Variants in ANKRD36C observed in about 807,000 individuals in gnomAD.
ANKRD36C encodes ankyrin repeat domain 36C.
ANKRD36C carries 61 observed loss-of-function variants against 276.4 expected under a neutral mutation model. The ratio of observed to expected loss-of-function variants is 0.22; its 90% CI spans 0.18 to 0.27. The LOEUF is 0.27. Ranked by LOEUF, ANKRD36C falls within the 10% of genes least tolerant of loss-of-function variation. ANKRD36C has a pLI of 1.00. For missense variants in ANKRD36C, 1,447 were observed against 2,032.3 expected, an observed-to-expected ratio of 0.71 and a Z score of 5.54; for synonymous variants, 483 against 680.1, an observed-to-expected ratio of 0.71 and a Z score of 4.51.
intron 38 of ANKRD36C, 109 bp downstream of exon 40, chr2:95,915,871 C>T: frequency 1.4e-6 from 2 of 1,390,004 alleles, no homozygotes; most frequent in Non-Finnish European, 2.0e-6. Flanking sequence ...GAATCTCAGG[C>T]CTGTTGAATC....
At chr2:95,959,567 T>A (rs539957169) in intron 10 of ANKRD36C, among the ~76,000 whole-genome samples, 9 of 152,220 alleles carry the variant, frequency 5.9e-5, no homozygotes, top group East Asian at 5.8e-4. Flanking sequence ...CATTTGGAAA[T>A]TGCTCTCATA....
intron 41 of ANKRD36C, 23 bp downstream of exon 43, chr2:95,912,384 A>G (rs1478063303): frequency 2.5e-6 from 4 of 1,603,746 alleles, no homozygotes; most frequent in Non-Finnish European, 3.4e-6. Flanking sequence ...ACTAGCTCAC[A>G]ATATGAATGA....
At chr2:95,971,428 C>T (rs1381970871) in intron 6 of ANKRD36C, among the ~76,000 whole-genome samples, 2 of 151,342 alleles carry the variant, frequency 1.3e-5, no homozygotes, top group Admixed American at 6.6e-5. Context: ...GGGGGGATGG[C>T]GTATATCAAA....
chr2:95,893,839 T>C, intron 44 of ANKRD36C, 115 bp from the exon 63 acceptor site: 2 of 1,544,692 alleles, frequency 1.3e-6, no homozygotes, highest in South Asian at 1.2e-5. Context: ...GCGTAGGCTT[T>C]AATGGCTTCT....
intron 6 of ANKRD36C, among the ~76,000 whole-genome samples, chr2:95,973,920 T>C (rs1330803368): frequency 1.3e-5 from 2 of 152,054 alleles, no homozygotes; most frequent in Non-Finnish European, 2.9e-5. Flanking sequence ...TGGTGGCATA[T>C]GCTTGTAGCA....
intron 16 of ANKRD36C, among the ~76,000 whole-genome samples, chr2:95,949,941 T>C (rs1232093970): frequency 6.6e-6 from 1 of 152,304 alleles, no homozygotes; most frequent in Non-Finnish European, 1.5e-5. Context: ...GAAGAGAAAG[T>C]AAAAAGAAAT....
intron 62 of ANKRD36C, among the ~76,000 whole-genome samples, chr2:95,856,940 G>A (rs961451075): frequency 2.0e-5 from 3 of 151,972 alleles, no homozygotes; most frequent in African/African-American, 4.8e-5. Context: ...AATCTATAAA[G>A]CTCTTCTTAG....
chr2:95,978,394 T>C (rs1678855411), intron 5 of ANKRD36C, among the ~76,000 whole-genome samples: 1 of 152,060 alleles, frequency 6.6e-6, no homozygotes, highest in Non-Finnish European at 1.5e-5. Flanking sequence ...GAAGGCAGTA[T>C]AGCTCAGCAA....
chr2:95,864,199 T>G (rs1418328376), intron 60 of ANKRD36C, among the ~76,000 whole-genome samples: 2 of 152,068 alleles, frequency 1.3e-5, no homozygotes, highest in Non-Finnish European at 2.9e-5. Context: ...GACAGTATAA[T>G]GAAAAGGTAA....
At chr2:95,984,806 T>A (rs1678996317) in intron 3 of ANKRD36C, among the ~76,000 whole-genome samples, 1 of 152,178 alleles carries the variant, frequency 6.6e-6, no homozygotes, top group African/African-American at 2.4e-5. Flanking sequence ...ATTTTTTTTA[T>A]TTTAGGTAAA....
chr2:95,936,326 A>G (rs1249188242), intron 22 of ANKRD36C, among the ~76,000 whole-genome samples: 1 of 152,300 alleles, frequency 6.6e-6, no homozygotes. Context: ...GTGCACATGT[A>G]CCCTAAAACT....
At chr2:95,918,184 C>T in intron 34 of ANKRD36C, 142 bp from the exon 37 acceptor site, 1 of 1,381,144 alleles carries the variant, frequency 7.2e-7, no homozygotes. Context: ...TGTCTTGGGA[C>T]TGGAACATGA....
At chr2:95,936,779 C>T (rs942622863) in intron 22 of ANKRD36C, among the ~76,000 whole-genome samples, 1 of 152,278 alleles carries the variant, frequency 6.6e-6, no homozygotes, top group Non-Finnish European at 1.5e-5. Flanking sequence ...TTCTCACCAC[C>T]CCTGTGATCA....
intron 42 of ANKRD36C, chr2:95,908,561 T>G (rs1293683109): frequency 3.2e-6 from 5 of 1,556,102 alleles, no homozygotes; most frequent in East Asian, 2.3e-5. Flanking sequence ...AGAATCTTTC[T>G]CATCTCTTGT....
At position 95,903,048 on chromosome 2, in the gene ANKRD36C, A is replaced by C. The variant is rs185645586; in HGVS notation, c.2654-3712T>G. The C allele has an allele frequency of 6.4e-7, 1 of 1,570,464 alleles. No individual in the cohort carries two copies. On this transcript the variant is annotated intron_variant, in intron 42 of 66. Coordinates refer to ENST00000456556, the Ensembl canonical transcript of ANKRD36C. ...AGTTCACAATATAAATGACAGTTTC[A>C]TTACCTTCAAGCCTGGTGGTTGCTC...
intron 52 of ANKRD36C, among the ~76,000 whole-genome samples, chr2:95,884,786 T>C (rs1219093034): frequency 6.6e-6 from 1 of 151,914 alleles, no homozygotes; most frequent in Non-Finnish European, 1.5e-5. Context: ...CTACAGACAT[T>C]CATCATGCTC....
At position 95,854,717 on chromosome 2, in the gene ANKRD36C, A is replaced by G. The variant is rs4063014; in HGVS notation, c.4995+549T>C. ...TTGAAAGAATAGAATGATCATATCT[A>G]TACATAATTTGAGATTGAAATAGTT... On this transcript the variant is annotated intron_variant, in intron 63 of 66. Transcript: ENST00000456556. Among the ~76,000 whole-genome samples the G allele has an allele frequency of 2.9e-4, 44 of 152,248 alleles. 1 individual carries two copies. The highest frequency in any genetic ancestry group is 2.9e-3 in the Admixed American group (44 of 15,276).
intron 59 of ANKRD36C, among the ~76,000 whole-genome samples, chr2:95,867,942 A>AT (rs1165300186): frequency 2.0e-5 from 3 of 152,190 alleles, no homozygotes; most frequent in African/African-American, 7.2e-5. Context: ...AGAGATTTTC[A>AT]TAAGTAAAAC....
rs771318214 is a variant in ANKRD36C at position 95,856,046 on chromosome 2, T to C, written c.4215A>G (p.Glu1405=). ...GGTCTTCATGCTTTCTTTTCACAAT[T>C]TCAAAGTCTTTTAAGTATTTCTTTT... is the stretch of plus-strand genomic sequence containing the variant. Residue 1405 remains glutamate (E), a synonymous_variant, in exon 63 of 67, where the codon GAA becomes GAG. Coordinates refer to ENST00000456556, the Ensembl canonical transcript of ANKRD36C. 6.9e-6 allele frequency: 11 copies of C among 1,605,094 alleles called. No homozygotes were observed. In the East Asian group the frequency reaches 2.2e-4, roughly 33 times the overall value.
Sources: allele counts gnomAD v4.1 joint callset (sites outside exome capture counted in the v4.1 genomes callset), GRCh38; gene constraint gnomAD v4.1.1; transcripts MANE v1.5; gene names NCBI Gene and HGNC (gene_info 2026-07-23, HGNC 2026-07-21).